The following ADGRL3 variants were observed in gnomAD, a reference collection of about 807,000 sequenced individuals.
The protein encoded by ADGRL3 is adhesion G protein-coupled receptor L3.
In ADGRL3, 62 loss-of-function variants were observed where a neutral mutation model predicts 153.5. That is an observed-to-expected ratio of 0.40 (90% CI 0.33 to 0.50). ADGRL3 has a LOEUF of 0.50. Ranked by LOEUF, ADGRL3 falls within the 20% of genes least tolerant of loss-of-function variation. The pLI, the probability that ADGRL3 is intolerant of heterozygous loss-of-function variation, is 0.47. For missense variants in ADGRL3, 1,641 were observed against 1,859.4 expected (o/e 0.88, Z 2.16); for synonymous variants, 710 against 672.5 (o/e 1.06, Z -0.86).
At chr4:61,425,266 G>C (rs999734476) in intron 2 of ADGRL3, 11 of 152,180 alleles carry the variant, frequency 7.2e-5, no homozygotes, top group Non-Finnish European at 2.9e-5. Context: ...TCAGCCAGGG[G>C]TTGAGCATGT....
At chr4:61,475,816 C>A (rs969420529) in intron 2 of ADGRL3, among the ~76,000 whole-genome samples, 1 of 152,104 alleles carries the variant, frequency 6.6e-6, no homozygotes, top group African/African-American at 2.4e-5. Context: ...AGTGCTGAAA[C>A]CTGTAGACGT....
intron 6 of ADGRL3, among the ~76,000 whole-genome samples, chr4:61,711,201 CAT>C: frequency 6.6e-6 from 1 of 151,892 alleles, no homozygotes; most frequent in East Asian, 1.9e-4. Flanking sequence ...TCATAAAAGA[CAT>C]ATTGCAGCAC....
intron 5 of ADGRL3, among the ~76,000 whole-genome samples, chr4:61,620,634 C>CTTTTTTTT (rs71664993): frequency 2.7e-4 from 19 of 69,732 alleles, no homozygotes; most frequent in East Asian, 1.0e-3. Flanking sequence ...TAAATTGTGA[C>CTTTTTTTT]TTTTTTTTTT....
At chr4:62,047,701 T>A (rs1382118096) in intron 25 of ADGRL3, among the ~76,000 whole-genome samples, 7 of 152,182 alleles carry the variant, frequency 4.6e-5, no homozygotes, top group Non-Finnish European at 7.3e-5. Context: ...TTAAAATCTT[T>A]CATTAAAATT....
chr4:61,777,063 T>G (rs2097159906), intron 8 of ADGRL3, among the ~76,000 whole-genome samples: 1 of 152,050 alleles, frequency 6.6e-6, no homozygotes, highest in Non-Finnish European at 1.5e-5. Context: ...TGGCCAGGTG[T>G]GCTGGCTCAC....
intron 2 of ADGRL3, among the ~76,000 whole-genome samples, chr4:61,386,169 C>G (rs886288625): frequency 6.6e-6 from 1 of 152,036 alleles, no homozygotes; most frequent in African/African-American, 2.4e-5. Context: ...GTAGCCCTAA[C>G]GTCAAAATTG....
intron 1 of ADGRL3, among the ~76,000 whole-genome samples, chr4:61,268,353 T>G (rs957897284): frequency 2.0e-5 from 3 of 151,646 alleles, no homozygotes; most frequent in Non-Finnish European, 4.4e-5. Flanking sequence ...TATTTCTTCT[T>G]TCTATGTAGA....
chr4:61,662,686 A>G (rs1025891859), intron 5 of ADGRL3, among the ~76,000 whole-genome samples: 1 of 152,054 alleles, frequency 6.6e-6, no homozygotes, highest in Admixed American at 6.6e-5. Context: ...TCCCAGTGAA[A>G]CCCCATCTTC....
At chr4:61,475,920 C>A (rs1380022248) in intron 2 of ADGRL3, among the ~76,000 whole-genome samples, 1 of 152,082 alleles carries the variant, frequency 6.6e-6, no homozygotes, top group Non-Finnish European at 1.5e-5. Context: ...CTTATGCAAG[C>A]ATTTTAGTTA....
intron 2 of ADGRL3, among the ~76,000 whole-genome samples, chr4:61,397,047 A>G (rs1446031748): frequency 1.3e-5 from 2 of 151,456 alleles, no homozygotes; most frequent in African/African-American, 4.8e-5. Flanking sequence ...ATAAGTATAT[A>G]TTTATACTAT....
intron 4 of ADGRL3, among the ~76,000 whole-genome samples, chr4:61,575,595 A>C (rs1055645008): frequency 1.3e-5 from 2 of 151,984 alleles, no homozygotes; most frequent in Non-Finnish European, 2.9e-5. Flanking sequence ...TGATGAAACA[A>C]TGTTTTATTG....
chr4:61,982,005 A>G (rs1202868260), intron 18 of ADGRL3, among the ~76,000 whole-genome samples: 2 of 152,212 alleles, frequency 1.3e-5, no homozygotes, highest in Admixed American at 1.3e-4. Flanking sequence ...CCAAAAAAGT[A>G]AAGCCTTATG....
At chr4:61,439,778 A>T (rs971109035) in intron 2 of ADGRL3, among the ~76,000 whole-genome samples, 3 of 152,168 alleles carry the variant, frequency 2.0e-5, no homozygotes, top group Non-Finnish European at 4.4e-5. Context: ...TTTCCTGTTT[A>T]TTTTAATAAG....
At position 62,075,985 on chromosome 4, in the gene ADGRL3, T is replaced by G. The variant is rs1747009977; in HGVS notation, c.*5077T>G. ...ACTAATTAACACTGATTACACTCTCTTTGGTTTAAAAGGGAAACTTTCACC... is the reference window on the plus strand; with the variant it reads ...ACTAATTAACACTGATTACACTCTCGTTGGTTTAAAAGGGAAACTTTCACC... On this transcript the variant is annotated 3_prime_UTR_variant, in exon 27 of 27. Coordinates refer to ENST00000683033, the MANE Select transcript of ADGRL3 (RefSeq NM_001387552.1). 1 of 152,154 alleles carries G rather than the reference T, an allele frequency of 6.6e-6. No homozygotes were observed. Among genetic ancestry groups the G allele is most frequent in the Non-Finnish European group, 1.5e-5 (1 of 68,008 alleles). 9.4% of individuals were successfully genotyped at this position (152,154 alleles called of 1,614,324 possible). A position where few individuals can be genotyped will look rare whatever the true frequency, so the allele number is the denominator to read the frequency against.
At chr4:61,204,682 A>T in intron 1 of ADGRL3, among the ~76,000 whole-genome samples, 1 of 152,226 alleles carries the variant, frequency 6.6e-6, no homozygotes, top group Non-Finnish European at 1.5e-5. Context: ...ATGGTTGACT[A>T]GACTATTTCT....
rs540898656 is a variant in ADGRL3, at chr4:61,753,386, A to G, written c.1399+19832A>G. ...GAGAATGGAAGTAGCCATTCAATAAATTTCCTGGCTTGTAGTCTGAATGCC... is the reference window on the plus strand; with the variant it reads ...GAGAATGGAAGTAGCCATTCAATAAGTTTCCTGGCTTGTAGTCTGAATGCC... On this transcript the variant is annotated intron_variant, in intron 8 of 26. Transcript: ENST00000683033. 1.3e-3 allele frequency among the ~76,000 whole-genome samples: 201 copies of G among 152,272 alleles called. 1 individual carries two copies. The highest frequency in any genetic ancestry group is 6.8e-3 in the Middle Eastern group (2 of 294).
At chr4:61,435,632 A>G (rs539394940) in intron 2 of ADGRL3, among the ~76,000 whole-genome samples, 1 of 151,382 alleles carries the variant, frequency 6.6e-6, no homozygotes, top group Non-Finnish European at 1.5e-5. Flanking sequence ...ATTTTTCACA[A>G]ATTCCTAAGT....
At chr4:61,415,490 G>A (rs1048099898) in intron 2 of ADGRL3, among the ~76,000 whole-genome samples, 17 of 152,022 alleles carry the variant, frequency 1.1e-4, no homozygotes, top group South Asian at 2.1e-4. Context: ...TTTATTACAC[G>A]AAAGCAACAA....
chr4:61,770,831 G>A (rs17090538), intron 8 of ADGRL3, among the ~76,000 whole-genome samples: 1,697 of 152,260 alleles, frequency 0.011, 33 homozygotes, highest in African/African-American at 0.038. Context: ...ATCCCTATGA[G>A]TTGCATGCCT....
Sources: allele counts gnomAD v4.1 joint callset (sites outside exome capture counted in the v4.1 genomes callset), GRCh38; gene constraint gnomAD v4.1.1; transcripts MANE v1.5; gene names NCBI Gene and HGNC (gene_info 2026-07-23, HGNC 2026-07-21).